The following SGK1 variants were observed in gnomAD, a reference collection of about 807,000 sequenced individuals.
The protein encoded by SGK1 is serine/threonine-protein kinase Sgk1.
A neutral mutation model predicts 64.2 loss-of-function variants in SGK1; 26 were observed. That is an observed-to-expected ratio of 0.40 (90% CI 0.30 to 0.56). SGK1 has a LOEUF of 0.56. SGK1 is among the 20% of genes least tolerant of loss of function. SGK1 has a pLI of 0.38. For synonymous variants in SGK1, 265 were observed against 239.7 expected (o/e 1.11, Z -0.98); for missense variants, 519 against 645.6 (o/e 0.80, Z 2.12).
intron 3 of SGK1, among the ~76,000 whole-genome samples, chr6:134,184,704 G>A (rs947580515): frequency 6.6e-6 from 1 of 152,090 alleles, no homozygotes; most frequent in African/African-American, 2.4e-5. Context: ...GTTTGTTTAA[G>A]ACAGGGTCTT....
chr6:134,173,951 C>T, intron 5 of SGK1, 54 bp downstream of exon 5: 1 of 1,231,206 alleles, frequency 8.1e-7, no homozygotes, highest in Non-Finnish European at 1.2e-6. Context: ...TGTAGGAATA[C>T]TAACTGACTC....
intron 3 of SGK1, chr6:134,177,694 C>G: frequency 6.2e-7 from 1 of 1,613,934 alleles, no homozygotes; most frequent in Non-Finnish European, 8.5e-7. Flanking sequence ...CTTCTTCTTT[C>G]ATTCTTCGGG....
chr6:134,261,674 A>C lies in SGK1; in HGVS notation c.285+259T>G, dbSNP rs374933670. Reference sequence around the variant, plus strand: ...TGATGGCAAAGTAGGTTATACGTGCATGGGGACAAGCGTATATGGGTAATC... The same window carrying C: ...TGATGGCAAAGTAGGTTATACGTGCCTGGGGACAAGCGTATATGGGTAATC... On this transcript the variant is annotated intron_variant, in intron 2 of 13. Transcript: ENST00000367858. 2.2e-5 allele frequency: 13 copies of C among 594,452 alleles called. 1 individual carries two copies. Among genetic ancestry groups the C allele is most frequent in the East Asian group, 8.2e-5 (3 of 36,400 alleles). 36.8% of individuals were successfully genotyped at this position (594,452 alleles called of 1,614,324 possible).
intron 3 of SGK1, among the ~76,000 whole-genome samples, chr6:134,186,119 A>G (rs1242143362): frequency 6.6e-6 from 1 of 152,204 alleles, no homozygotes; most frequent in African/African-American, 2.4e-5. Flanking sequence ...GACACTTAAA[A>G]TTAACCATCA....
chr6:134,210,260 A>G (rs1376581799), intron 2 of SGK1, among the ~76,000 whole-genome samples: 3 of 152,238 alleles, frequency 2.0e-5, no homozygotes, highest in African/African-American at 7.2e-5. Flanking sequence ...GACAACGTGG[A>G]TGAAACTGGA....
chr6:134,187,110 C>T (rs1215934379), intron 3 of SGK1, among the ~76,000 whole-genome samples: 2 of 152,134 alleles, frequency 1.3e-5, no homozygotes, highest in African/African-American at 4.8e-5. Context: ...GCCACCGTTC[C>T]TGGCAGACAT....
At chr6:134,297,143 A>T in intron 1 of SGK1, 2 of 594,816 alleles carry the variant, frequency 3.4e-6, no homozygotes, top group South Asian at 3.0e-5. Context: ...TGAGGCCCCC[A>T]TAGGCTGAGC....
At chr6:134,241,616 G>GTATA (rs140084587) in intron 2 of SGK1, among the ~76,000 whole-genome samples, 2,804 of 151,620 alleles carry the variant, frequency 0.018, 96 homozygotes, top group African/African-American at 0.064. Flanking sequence ...CAACAAACTT[G>GTATA]TTTATTTATT....
intron 2 of SGK1, among the ~76,000 whole-genome samples, chr6:134,236,882 T>G (rs1776372123): frequency 6.6e-6 from 1 of 152,124 alleles, no homozygotes; most frequent in Non-Finnish European, 1.5e-5. Context: ...TTAATGGGAT[T>G]CAGATAGAAG....
rs994040622 is a variant in SGK1 at position 134,210,330 on chromosome 6, T to C, written c.286-2899A>G. Among the ~76,000 whole-genome samples the C allele has an allele frequency of 2.0e-5, 3 of 152,182 alleles. No individual in the cohort carries two copies. In the East Asian group the frequency reaches 5.8e-4, roughly 29 times the overall value. ...AAGAACAAATATTGCACGATTCCGC[T>C]TACATAAGGTATGTAAAATAGCTAA... On this transcript the variant is annotated intron_variant, in intron 2 of 13. Coordinates refer to ENST00000367858, the MANE Select transcript of SGK1 (RefSeq NM_001143676.3).
intron 2 of SGK1, among the ~76,000 whole-genome samples, chr6:134,214,542 C>T (rs997111086): frequency 3.3e-5 from 5 of 150,794 alleles, no homozygotes; most frequent in Admixed American, 6.6e-5. Context: ...AGTGAGTCAC[C>T]GTACTCTAGC....
At chr6:134,206,367 ATATATATATATATATATTTTTT>A (rs1329641149) in intron 3 of SGK1, among the ~76,000 whole-genome samples, 2 of 8,256 alleles carry the variant, frequency 2.4e-4, no homozygotes, top group African/African-American at 5.0e-4. Context: ...ATATATATAT[ATATATATATATATATATTTTTT>A]TTTTTTTTTT....
At chr6:134,190,723 C>T (rs972173847) in intron 3 of SGK1, among the ~76,000 whole-genome samples, 1 of 152,200 alleles carries the variant, frequency 6.6e-6, no homozygotes, top group Non-Finnish European at 1.5e-5. Context: ...TCCCTCAGGA[C>T]TGCTATTCCT....
rs1775116570 is a variant in SGK1 at position 134,173,783 on chromosome 6, T to G, written c.514-217A>C. On this transcript the variant is annotated intron_variant, in intron 5 of 13. Transcript: ENST00000367858. ...ACAGATAAAACCTTTTTATGAAATA[T>G]GCCTTTTAAAATAACCACTTTGGAG... 6.9e-6 allele frequency: 4 copies of G among 582,936 alleles called. No homozygotes were observed. In the East Asian group the frequency reaches 1.2e-4, roughly 17 times the overall value. The allele number at this position is 582,936 out of a possible 1,614,324, so 36.1% of individuals were successfully genotyped here. A position where few individuals can be genotyped will look rare whatever the true frequency, so the allele number is the denominator to read the frequency against.
chr6:134,309,599 G>A (rs936905701), intron 1 of SGK1, among the ~76,000 whole-genome samples: 1 of 147,962 alleles, frequency 6.8e-6, no homozygotes, highest in Admixed American at 6.7e-5. Context: ...TACAGAGGAT[G>A]TGGATCTCTA....
intron 3 of SGK1, chr6:134,175,628 G>T: frequency 6.5e-7 from 1 of 1,537,590 alleles, no homozygotes; most frequent in Non-Finnish European, 8.7e-7. Flanking sequence ...GACTCGAGCC[G>T]GGCTCTGGCC....
chr6:134,253,554 G>A (rs1776636946), intron 2 of SGK1, among the ~76,000 whole-genome samples: 1 of 152,148 alleles, frequency 6.6e-6, no homozygotes, highest in South Asian at 2.1e-4. Context: ...CAGCTACTTG[G>A]AGGGCTGAGG....
intron 2 of SGK1, among the ~76,000 whole-genome samples, chr6:134,250,335 G>C (rs1390121253): frequency 6.6e-6 from 1 of 152,174 alleles, no homozygotes; most frequent in East Asian, 1.9e-4. Context: ...TTACGGAACA[G>C]AGCTGAGTCA....
chr6:134,306,911 AGG>A (rs200092699), intron 1 of SGK1, among the ~76,000 whole-genome samples: 20 of 107,004 alleles, frequency 1.9e-4, no homozygotes, highest in African/African-American at 6.1e-4. Flanking sequence ...AAGAAATAAA[AGG>A]GGGGGGGGGC....
Sources: gnomAD v4.1 joint callset for allele counts (sites outside exome capture counted in the v4.1 genomes callset) on GRCh38, gnomAD v4.1.1 for gene constraint, MANE v1.5 for transcripts, NCBI Gene and HGNC (gene_info 2026-07-23, HGNC 2026-07-21) for gene names.